The following RIPK2 variants were observed in gnomAD, a reference collection of about 807,000 sequenced individuals.
The protein encoded by RIPK2 is receptor interacting serine/threonine kinase 2, also known as receptor-interacting serine/threonine-protein kinase 2.
A neutral mutation model predicts 60.9 loss-of-function variants in RIPK2; 38 were observed. The observed-to-expected ratio is 0.62, with a 90% CI of 0.48 to 0.82. The LOEUF is 0.82. RIPK2 is among the 40% of genes least tolerant of loss of function. The pLI is 0.00. For synonymous variants in RIPK2, 225 were observed against 223.4 expected (o/e 1.01, Z -0.06); for missense variants, 518 against 647.0 (o/e 0.80, Z 2.16).
chr8:89,761,111 C>A (rs746121713), intron 1 of RIPK2, among the ~76,000 whole-genome samples: 1 of 152,064 alleles, frequency 6.6e-6, no homozygotes, highest in Non-Finnish European at 1.5e-5. Context: ...AAATATATGA[C>A]CTATTCAAAA....
chr8:89,779,168 T>C (rs1283964195), intron 6 of RIPK2, among the ~76,000 whole-genome samples: 1 of 152,132 alleles, frequency 6.6e-6, no homozygotes, highest in Non-Finnish European at 1.5e-5. Context: ...TCTGTATATA[T>C]TGTAGATACA....
At chr8:89,787,942 C>T (rs901739323) in intron 9 of RIPK2, among the ~76,000 whole-genome samples, 25 of 152,134 alleles carry the variant, frequency 1.6e-4, no homozygotes, top group Middle Eastern at 6.8e-3. Flanking sequence ...GATGATAGGA[C>T]TTTGTAACTT....
Position 89,789,411 on chromosome 8 carries a change from C to T in RIPK2, c.1214C>T (p.Ala405Val), listed in dbSNP as rs531775924. 3 of 1,614,046 alleles carry T rather than the reference C, an allele frequency of 1.9e-6. No homozygotes were observed. Among genetic ancestry groups the T allele is most frequent in the East Asian group, 2.2e-5 (1 of 44,870 alleles). The change falls in exon 10 of 11, where the codon GCA (alanine) becomes GTA (valine). Residue 405 changes from alanine to valine, a missense_variant. Transcript: ENST00000220751. The part of the protein sequence containing the change: ...DSTISGSQRA[A>V]FCDHKTTPCS... Reference sequence around the variant, plus strand: ...ACCATTTCTGGATCTCAAAGGGCTGCATTCTGTGATCACAAGACCACTCCA... The same window carrying T: ...ACCATTTCTGGATCTCAAAGGGCTGTATTCTGTGATCACAAGACCACTCCA...
In RIPK2 at chr8:89,780,170, T is replaced by C. The variant is rs1207613332; in HGVS notation, c.939+10T>C. 7.3e-7 allele frequency: 1 copy of C among 1,369,268 alleles called. No homozygotes were observed. 84.8% of individuals were successfully genotyped at this position (1,369,268 alleles called of 1,614,324 possible). A position where few individuals can be genotyped will look rare whatever the true frequency, so the allele number is the denominator to read the frequency against. ...GCTAAAGAAAACAAAGGTAAGTTGC[T>C]AAATGAAATGCTGGAAATTAGAAAT... On this transcript the variant is annotated intron_variant, in intron 7 of 10. Coordinates refer to ENST00000220751, the MANE Select transcript of RIPK2 (RefSeq NM_003821.6).
intron 6 of RIPK2, 37 bp downstream of exon 6, chr8:89,772,865 C>T: frequency 7.1e-7 from 1 of 1,402,236 alleles, no homozygotes; most frequent in Non-Finnish European, 9.7e-7. Flanking sequence ...CTTTGAATTA[C>T]AGAATTAGTT....
intron 9 of RIPK2, among the ~76,000 whole-genome samples, chr8:89,787,021 C>T (rs1809598538): frequency 1.3e-5 from 2 of 151,876 alleles, no homozygotes; most frequent in African/African-American, 4.8e-5. Flanking sequence ...CAAAAATTAG[C>T]CAGGCATGGT....
intron 7 of RIPK2, among the ~76,000 whole-genome samples, chr8:89,780,936 C>A (rs907867146): frequency 6.7e-6 from 1 of 149,740 alleles, no homozygotes; most frequent in Non-Finnish European, 1.5e-5. Context: ...GGACCTATTA[C>A]TGCAGGGGTT....
At chr8:89,764,277 G>C (rs910657493) in intron 2 of RIPK2, among the ~76,000 whole-genome samples, 1 of 152,102 alleles carries the variant, frequency 6.6e-6, no homozygotes, top group African/African-American at 2.4e-5. Flanking sequence ...TTGGTTTCCT[G>C]TATTGCATTA....
intron 2 of RIPK2, among the ~76,000 whole-genome samples, chr8:89,764,629 G>C (rs1809196912): frequency 6.6e-6 from 1 of 152,060 alleles, no homozygotes; most frequent in South Asian, 2.1e-4. Flanking sequence ...AGAAAACTCA[G>C]ATGGATATTA....
In RIPK2 at chr8:89,786,683, T is replaced by G; in HGVS notation, c.1120T>G (p.Ser374Ala). 6.6e-7 allele frequency: 1 copy of G among 1,521,910 alleles called. No individual in the cohort carries two copies. Among genetic ancestry groups the G allele is most frequent in the Non-Finnish European group, 9.0e-7 (1 of 1,108,304 alleles). The allele number at this position is 1,521,910 out of a possible 1,614,324, so 94.3% of individuals were successfully genotyped here. Reference sequence around the variant, plus strand: ...AGCTCCTCAAGACAATGATTTTTTATCTAGTATGTAGATTTTCCAATCATT... The same window carrying G: ...AGCTCCTCAAGACAATGATTTTTTAGCTAGTATGTAGATTTTCCAATCATT... Reference protein sequence around the residue: ...LPAPQDNDFLSRKAQDCYFMK... With the variant: ...LPAPQDNDFLARKAQDCYFMK... The change falls in exon 9 of 11, where the codon TCT (serine) becomes GCT (alanine). Residue 374 changes from serine (S) to alanine (A), a missense_variant. Coordinates refer to ENST00000220751, the MANE Select transcript of RIPK2 (RefSeq NM_003821.6).
chr8:89,767,191 G>A (rs1054376618), intron 3 of RIPK2, among the ~76,000 whole-genome samples: 1 of 151,676 alleles, frequency 6.6e-6, no homozygotes, highest in African/African-American at 2.4e-5. Context: ...GGACTTAAGT[G>A]CTGAAGACAC....
In RIPK2 at chr8:89,757,963, C is replaced by A. The variant is rs1047616913; in HGVS notation, c.-98C>A. 2 of 1,418,910 alleles carry A rather than the reference C, an allele frequency of 1.4e-6. No individual in the cohort carries two copies. The highest frequency in any genetic ancestry group is 1.5e-5 in the South Asian group (1 of 66,746). The allele number at this position is 1,418,910 out of a possible 1,614,324, so 87.9% of individuals were successfully genotyped here. A position where few individuals can be genotyped will look rare whatever the true frequency, so the allele number is the denominator to read the frequency against. ...CAAAAAGGGTCTTGCCGGCCTCGCT[C>A]GTGCAGGGGCGTATCTGGGCGCCTG... On this transcript the variant is annotated 5_prime_UTR_variant, in exon 1 of 11. Coordinates refer to ENST00000220751, the MANE Select transcript of RIPK2 (RefSeq NM_003821.6).
chr8:89,768,443 T>C (rs898105699), intron 3 of RIPK2, among the ~76,000 whole-genome samples: 28 of 151,874 alleles, frequency 1.8e-4, no homozygotes, highest in African/African-American at 6.3e-4. Flanking sequence ...GAATCAGAGC[T>C]GTATCACATG....
intron 4 of RIPK2, 76 bp downstream of exon 4, chr8:89,770,005 C>A: frequency 1.8e-6 from 2 of 1,128,190 alleles, no homozygotes; most frequent in South Asian, 1.7e-5. Flanking sequence ...TTTGAAGCTA[C>A]ATTTTAAACT....
intron 1 of RIPK2, among the ~76,000 whole-genome samples, chr8:89,759,089 C>A (rs988893915): frequency 6.6e-6 from 1 of 152,200 alleles, no homozygotes; most frequent in Non-Finnish European, 1.5e-5. Flanking sequence ...GTTTCTCTCA[C>A]AGGGAAGATT....
At chr8:89,769,714 T>A in intron 3 of RIPK2, 58 bp from the exon 4 acceptor site, 1 of 1,252,058 alleles carries the variant, frequency 8.0e-7, no homozygotes, top group East Asian at 2.6e-5. Flanking sequence ...AAAAGATAGT[T>A]GACTTTTGGA....
At chr8:89,769,964 T>C in intron 4 of RIPK2, 35 bp downstream of exon 4, 1 of 1,480,768 alleles carries the variant, frequency 6.8e-7, no homozygotes, top group Non-Finnish European at 9.0e-7. Context: ...GATTTAACCT[T>C]GTCTCAGACA....
chr8:89,758,003 G>A lies in RIPK2; in HGVS notation c.-58G>A. 4 of 1,480,222 alleles carry A rather than the reference G, an allele frequency of 2.7e-6. No individual in the cohort carries two copies. The East Asian group carries it at 1.0e-4, about 38-fold the overall frequency. The allele number at this position is 1,480,222 out of a possible 1,614,324, so 91.7% of individuals were successfully genotyped here. On this transcript the variant is annotated 5_prime_UTR_variant, in exon 1 of 11. Coordinates refer to ENST00000220751, the MANE Select transcript of RIPK2 (RefSeq NM_003821.6). ...CTGGGCGCCTGAGCGCGGCGTGGGA[G>A]CCTTGGGAGCCGCCGCAGCAGGGGG... is the stretch of plus-strand genomic sequence containing the variant.
chr8:89,780,037 C>G, intron 6 of RIPK2, 38 bp from the exon 7 acceptor site: 1 of 998,012 alleles, frequency 1.0e-6, no homozygotes, highest in Non-Finnish European at 1.5e-6. Flanking sequence ...TACTTAGAAG[C>G]AATCTGAACT....
Sources: allele counts gnomAD v4.1 joint callset (sites outside exome capture counted in the v4.1 genomes callset), GRCh38; gene constraint gnomAD v4.1.1; transcripts MANE v1.5; gene names NCBI Gene and HGNC (gene_info 2026-07-23, HGNC 2026-07-21).